The following ALG13 variants were observed in gnomAD, a reference collection of about 807,000 sequenced individuals.
ALG13 encodes the protein ALG13 UDP-N-acetylglucosaminyltransferase subunit, also known as UDP-N-acetylglucosamine transferase subunit ALG13.
In ALG13, 11 loss-of-function variants were observed where a neutral mutation model predicts 87.8. That is an observed-to-expected ratio of 0.13 (90% CI 0.08 to 0.21). ALG13 has a LOEUF of 0.21. Ranked by LOEUF, ALG13 falls within the 10% of genes least tolerant of loss-of-function variation. The probability of loss-of-function intolerance (pLI) is 1.00; values close to 1 mark genes in which losing one functional copy is unlikely to be tolerated. For missense variants in ALG13, 756 were observed against 866.1 expected, an observed-to-expected ratio of 0.87 and a Z score of 1.60; for synonymous variants, 320 against 306.3, an observed-to-expected ratio of 1.04 and a Z score of -0.47.
chrX:111,734,706 A>G (rs1022410836), intron 21 of ALG13, among the ~76,000 whole-genome samples: 1 of 112,176 alleles, frequency 8.9e-6, no homozygotes, highest in African/African-American at 3.2e-5. Flanking sequence ...ACATATTCAG[A>G]TAGAATGCCT....
Position 111,735,499 on chromosome X carries a change from A to C in ALG13, c.2529+377A>C, listed in dbSNP as rs766238294. Among the ~76,000 whole-genome samples the C allele has an allele frequency of 3.6e-5, 4 of 111,797 alleles. No individual in the cohort carries two copies. The East Asian group carries it at 1.1e-3, about 31-fold the overall frequency. On this transcript the variant is annotated intron_variant, in intron 22 of 26. Transcript: ENST00000394780. ...GTAGCTGAAACCATAGGAGTAAACA[A>C]GATCATCCTGGGCAAAGGAAGAGAT...
chrX:111,733,602 T>C (rs1369795192), intron 21 of ALG13, among the ~76,000 whole-genome samples: 1 of 111,846 alleles, frequency 8.9e-6, no homozygotes, highest in African/African-American at 3.3e-5. Context: ...TATAAACATA[T>C]ATGTGCTAGT....
chrX:111,695,533 A>C (rs1936855299), intron 3 of ALG13, among the ~76,000 whole-genome samples: 3 of 110,360 alleles, frequency 2.7e-5, no homozygotes, highest in Admixed American at 9.7e-5. Flanking sequence ...AAAAAAAAAA[A>C]AAAAACAAAC....
At chrX:111,693,477 C>T (rs1936500538) in intron 3 of ALG13, among the ~76,000 whole-genome samples, 2 of 110,056 alleles carry the variant, frequency 1.8e-5, no homozygotes, top group Non-Finnish European at 3.8e-5. Flanking sequence ...AACTCCTGGC[C>T]TCAAGCGATC....
At chrX:111,735,252 G>A in intron 22 of ALG13, 130 bp downstream of exon 22, 1 of 440,593 alleles carries the variant, frequency 2.3e-6, no homozygotes, top group East Asian at 4.0e-5. Flanking sequence ...TGTACCTTCT[G>A]GTGTCTGACA....
intron 8 of ALG13, among the ~76,000 whole-genome samples, chrX:111,713,543 A>G (rs1450347067): frequency 8.9e-6 from 1 of 111,786 alleles, no homozygotes; most frequent in East Asian, 2.8e-4. Context: ...CTTCTCAATG[A>G]CTAAAAAGGA....
At chrX:111,730,632 A>G (rs1942582952) in intron 21 of ALG13, 52 bp downstream of exon 21, 4 of 930,941 alleles carry the variant, frequency 4.3e-6, no homozygotes, top group Non-Finnish European at 6.0e-6. Context: ...GTACTAGGGC[A>G]CTGTTAAGAG....
intron 12 of ALG13, 89 bp downstream of exon 12, chrX:111,721,800 T>G (rs1230185320): frequency 5.9e-6 from 3 of 507,224 alleles, no homozygotes; most frequent in Non-Finnish European, 1.0e-5. Context: ...TTATAAGAAA[T>G]ACTGTTATAA....
chrX:111,726,415 G>T lies in ALG13; in HGVS notation c.1730-394G>T, dbSNP rs188874505. Among the ~76,000 whole-genome samples, 548 of 107,642 alleles carry T rather than the reference G, an allele frequency of 5.1e-3. 2 individuals carry two copies. Among genetic ancestry groups the T allele is most frequent in the African/African-American group, 0.017 (504 of 29,402 alleles). 93.5% of individuals were successfully genotyped at this position (107,642 alleles called of 115,157 possible). ...CGCCTGGCTAATTCTTGCATTTTCA[G>T]TAGAGACGGTTTCACCATGTTAACT... On this transcript the variant is annotated intron_variant, in intron 15 of 26. Coordinates refer to ENST00000394780, the MANE Select transcript of ALG13 (RefSeq NM_001099922.3).
intron 23 of ALG13, among the ~76,000 whole-genome samples, chrX:111,737,544 C>T (rs1197193190): frequency 9.0e-6 from 1 of 111,620 alleles, no homozygotes; most frequent in Non-Finnish European, 1.9e-5. Context: ...CCCATGACAC[C>T]TACAAAAATC....
chrX:111,701,754 A>G (rs1937913040), intron 3 of ALG13, among the ~76,000 whole-genome samples: 1 of 111,272 alleles, frequency 9.0e-6, no homozygotes, highest in East Asian at 2.8e-4. Flanking sequence ...TCCTTGAAGT[A>G]TGTTAGATTA....
chrX:111,751,367 A>G (rs373152493), intron 24 of ALG13, among the ~76,000 whole-genome samples: 2 of 112,256 alleles, frequency 1.8e-5, no homozygotes, highest in African/African-American at 6.5e-5. Flanking sequence ...ACGCCCGGCC[A>G]TAAGCATAAC....
At chrX:111,717,386 G>A (rs749957425) in intron 8 of ALG13, among the ~76,000 whole-genome samples, 11 of 110,928 alleles carry the variant, frequency 9.9e-5, no homozygotes, top group South Asian at 3.8e-4. Flanking sequence ...GATAACTTTC[G>A]AAATAATTGA....
chrX:111,722,671 C>G (rs1941525008), intron 12 of ALG13, 122 bp from the exon 13 acceptor site: 1 of 472,034 alleles, frequency 2.1e-6, no homozygotes, highest in Non-Finnish European at 3.7e-6. Context: ...GGACTTTACC[C>G]CTATTTTCAC....
Position 111,685,097 on chromosome X carries a change from C to A in ALG13, c.377C>A (p.Thr126Asn), listed in dbSNP as rs1242810660. 8.3e-7 allele frequency: 1 copy of A among 1,207,824 alleles called. No individual in the cohort carries two copies. Among genetic ancestry groups the A allele is most frequent in the Non-Finnish European group, 1.1e-6 (1 of 894,173 alleles). ...LHKEGHLFYCTCRVLTCPGQA... is the reference protein window; with the variant it reads ...LHKEGHLFYCNCRVLTCPGQA... ...AAAGAGGGTCATCTCTTCTATTGTA[C>A]CTGCAGGTATGCTAGAGACTGATTA... The change falls in exon 3 of 27, where the codon ACC becomes AAC. Residue 126 changes from threonine to asparagine, a missense_variant. Coordinates refer to ENST00000394780, the MANE Select transcript of ALG13 (RefSeq NM_001099922.3).
At chrX:111,717,035 C>G (rs1369013063) in intron 8 of ALG13, 2 of 109,831 alleles carry the variant, frequency 1.8e-5, no homozygotes, top group African/African-American at 6.6e-5. Context: ...AGCTTCAAAC[C>G]CCTGGGCTCA....
intron 4 of ALG13, 47 bp downstream of exon 4, chrX:111,708,440 G>C (rs1349810268): frequency 2.7e-5 from 31 of 1,164,171 alleles, no homozygotes; most frequent in Non-Finnish European, 3.5e-5. Context: ...CAGAGTTTGA[G>C]ACATGGGATG....
intron 24 of ALG13, among the ~76,000 whole-genome samples, chrX:111,749,236 G>T (rs1295595442): frequency 1.8e-5 from 2 of 111,409 alleles, no homozygotes; most frequent in Non-Finnish European, 3.8e-5. Context: ...CATTTTTGTG[G>T]ATGGTGGAGG....
In ALG13 at chrX:111,717,541, CTTTTTT is replaced by C. The variant is rs773345817; in HGVS notation, c.1006-291_1006-286del. On this transcript the variant is annotated intron_variant, in intron 8 of 26. Coordinates refer to ENST00000394780, the MANE Select transcript of ALG13 (RefSeq NM_001099922.3). ...TCAATAACTCAATTTCTAAGTGTTC[CTTTTTT>C]TTTTTTTTTTTTTAGCAAATTTGTA... is the stretch of plus-strand genomic sequence containing the variant. Among the ~76,000 whole-genome samples the C allele has an allele frequency of 9.5e-4, 77 of 81,266 alleles. 5 individuals are homozygous for C. Among genetic ancestry groups the C allele is most frequent in the Non-Finnish European group, 7.3e-5 (3 of 40,995 alleles). 70.6% of individuals were successfully genotyped at this position (81,266 alleles called of 115,157 possible).
Sources: allele counts gnomAD v4.1 joint callset (sites outside exome capture counted in the v4.1 genomes callset), GRCh38; gene constraint gnomAD v4.1.1; transcripts MANE v1.5; gene names NCBI Gene and HGNC (gene_info 2026-07-23, HGNC 2026-07-21).